The following CSMD3 variants were observed in gnomAD, a reference collection of about 807,000 sequenced individuals.
The protein encoded by CSMD3 is CUB and sushi domain-containing protein 3.
In CSMD3, 177 loss-of-function variants were observed where a neutral mutation model predicts 435.2. The ratio of observed to expected loss-of-function variants is 0.41; its 90% CI spans 0.36 to 0.46. The LOEUF is 0.46. Among genes scored for constraint, CSMD3 ranks in the 20% least tolerant of loss-of-function variants. CSMD3 has a pLI of 0.34. For missense variants in CSMD3, 4,265 were observed against 4,504.6 expected, an observed-to-expected ratio of 0.95 and a Z score of 1.52; for synonymous variants, 1,656 against 1,520.5, an observed-to-expected ratio of 1.09 and a Z score of -2.07.
At chr8:112,309,718 A>T (rs1465949925) in intron 50 of CSMD3, among the ~76,000 whole-genome samples, 1 of 152,140 alleles carries the variant, frequency 6.6e-6, no homozygotes, top group Non-Finnish European at 1.5e-5. Flanking sequence ...CAATACAACA[A>T]GAAACAATAA....
intron 32 of CSMD3, among the ~76,000 whole-genome samples, chr8:112,451,853 T>C (rs2012465): frequency 0.45 from 67,726 of 152,094 alleles, 15,673 homozygotes; most frequent in Middle Eastern, 0.6. Context: ...GATTTTTAAA[T>C]GTAGATTTAA....
intron 3 of CSMD3, among the ~76,000 whole-genome samples, chr8:113,219,644 C>T (rs2092944652): frequency 6.6e-6 from 1 of 151,234 alleles, no homozygotes; most frequent in Non-Finnish European, 1.5e-5. Context: ...AACAATACAT[C>T]AGAATAAACC....
At chr8:113,431,497 A>G (rs2094672886) in intron 1 of CSMD3, among the ~76,000 whole-genome samples, 1 of 152,222 alleles carries the variant, frequency 6.6e-6, no homozygotes, top group African/African-American at 2.4e-5. Flanking sequence ...GCCTAAAGGT[A>G]CTGGTGCCTT....
At chr8:112,951,140 G>C (rs891122483) in intron 8 of CSMD3, among the ~76,000 whole-genome samples, 3 of 151,688 alleles carry the variant, frequency 2.0e-5, no homozygotes, top group Non-Finnish European at 4.4e-5. Flanking sequence ...CATTTCTTTT[G>C]ATATTTATGT....
At chr8:112,273,764 A>G (rs1817753523) in intron 59 of CSMD3, among the ~76,000 whole-genome samples, 1 of 151,452 alleles carries the variant, frequency 6.6e-6, no homozygotes, top group South Asian at 2.1e-4. Flanking sequence ...ATGGTAAATC[A>G]TGTATACTGA....
intron 32 of CSMD3, among the ~76,000 whole-genome samples, chr8:112,450,785 C>T (rs1263246115): frequency 1.3e-5 from 2 of 152,132 alleles, no homozygotes; most frequent in Admixed American, 1.3e-4. Flanking sequence ...ATAATCTGGG[C>T]AATTTCTTAC....
chr8:112,496,185 G>T (rs1426359076), intron 30 of CSMD3, among the ~76,000 whole-genome samples: 4 of 151,984 alleles, frequency 2.6e-5, no homozygotes, highest in African/African-American at 9.7e-5. Flanking sequence ...TAGCCAGGAT[G>T]GTCTTGATCT....
intron 5 of CSMD3, among the ~76,000 whole-genome samples, chr8:113,034,372 C>T (rs1564235674): frequency 6.6e-6 from 1 of 151,368 alleles, no homozygotes; most frequent in African/African-American, 2.4e-5. Context: ...CAGATACATG[C>T]TATAACATGA....
chr8:113,099,070 T>G (rs1161183077), intron 4 of CSMD3, 107 bp from the exon 5 acceptor site: 1 of 755,962 alleles, frequency 1.3e-6, no homozygotes, highest in East Asian at 2.7e-5. Flanking sequence ...ACAGTTCAAA[T>G]GTGATACCAA....
At chr8:113,045,251 C>T (rs981471637) in intron 5 of CSMD3, among the ~76,000 whole-genome samples, 1 of 148,946 alleles carries the variant, frequency 6.7e-6, no homozygotes, top group Non-Finnish European at 1.5e-5. Flanking sequence ...TTTTTGAATG[C>T]CCTACTAGTT....
intron 11 of CSMD3, among the ~76,000 whole-genome samples, chr8:112,836,647 A>G (rs1400148769): frequency 6.6e-6 from 1 of 151,892 alleles, no homozygotes; most frequent in Non-Finnish European, 1.5e-5. Context: ...ATCTCACAAT[A>G]CGTAGTTTGA....
chr8:112,833,149 A>G (rs1057319804), intron 11 of CSMD3, among the ~76,000 whole-genome samples: 2 of 152,024 alleles, frequency 1.3e-5, no homozygotes, highest in Non-Finnish European at 2.9e-5. Flanking sequence ...CTACTCTTGG[A>G]CCATTTGTCT....
At chr8:112,648,100 G>T (rs534313929) in intron 19 of CSMD3, among the ~76,000 whole-genome samples, 7 of 152,274 alleles carry the variant, frequency 4.6e-5, no homozygotes, top group African/African-American at 1.7e-4. Context: ...GGCAACCTAG[G>T]TCAATCAAGT....
At chr8:112,276,406 C>T (rs936194096) in intron 59 of CSMD3, among the ~76,000 whole-genome samples, 3 of 152,230 alleles carry the variant, frequency 2.0e-5, no homozygotes, top group African/African-American at 4.8e-5. Context: ...CCTCTTCTCA[C>T]AGCTCCACTA....
intron 27 of CSMD3, among the ~76,000 whole-genome samples, chr8:112,525,365 A>G (rs1824768100): frequency 6.7e-6 from 1 of 149,898 alleles, no homozygotes; most frequent in Non-Finnish European, 1.5e-5. Flanking sequence ...TTTATATTAA[A>G]TATACATTTT....
In CSMD3 at chr8:112,994,394, T is replaced by C. The variant is rs569276120; in HGVS notation, c.1031-18246A>G. Among the ~76,000 whole-genome samples the C allele has an allele frequency of 1.2e-3, 181 of 151,770 alleles. 2 individuals carry two copies. The highest frequency in any genetic ancestry group is 1.6e-3 in the Admixed American group (24 of 15,172). ...ACTGGAAAGGACCACACCAATGTGC[T>C]TCATTATTATTACTCCAATGCAAAG... On this transcript the variant is annotated intron_variant, in intron 6 of 70. Transcript: ENST00000297405.
At chr8:112,522,145 A>C (rs1207773607) in intron 27 of CSMD3, among the ~76,000 whole-genome samples, 3 of 151,810 alleles carry the variant, frequency 2.0e-5, no homozygotes, top group Non-Finnish European at 4.4e-5. Context: ...TTTTACTTTC[A>C]AAATAGAACT....
At chr8:112,520,783 A>T (rs1165804904) in intron 27 of CSMD3, among the ~76,000 whole-genome samples, 1 of 151,938 alleles carries the variant, frequency 6.6e-6, no homozygotes, top group Non-Finnish European at 1.5e-5. Context: ...CAATATGAAG[A>T]ACATTTCCAC....
chr8:112,380,208 G>A, intron 38 of CSMD3, 144 bp downstream of exon 38: 1 of 564,422 alleles, frequency 1.8e-6, no homozygotes, highest in Non-Finnish European at 3.1e-6. Flanking sequence ...CAATTGAACT[G>A]AAGTAATAGT....
Sources: allele counts gnomAD v4.1 joint callset (sites outside exome capture counted in the v4.1 genomes callset), GRCh38; gene constraint gnomAD v4.1.1; transcripts MANE v1.5; gene names NCBI Gene and HGNC (gene_info 2026-07-23, HGNC 2026-07-21).